Variants in CSMD1 observed in about 807,000 individuals in gnomAD.
CSMD1 encodes CUB and Sushi multiple domains 1.
CSMD1 carries 213 observed loss-of-function variants against 417.5 expected under a neutral mutation model. That is an observed-to-expected ratio of 0.51 (90% CI 0.46 to 0.57). CSMD1 has a LOEUF of 0.57. Ranked by LOEUF, CSMD1 falls within the 20% of genes least tolerant of loss-of-function variation. The pLI, the probability that CSMD1 is intolerant of heterozygous loss-of-function variation, is 0.00. For missense variants in CSMD1, 6,923 were observed against 4,529.7 expected, an observed-to-expected ratio of 1.53 and a Z score of -15.17; for synonymous variants, 2,862 against 1,736.8, an observed-to-expected ratio of 1.65 and a Z score of -16.11.
chr8:4,265,075 T>C (rs4617179), intron 3 of CSMD1, among the ~76,000 whole-genome samples: 49,836 of 152,068 alleles, frequency 0.33, 8,403 homozygotes, highest in East Asian at 0.4. Context: ...CTGCTCCTTA[T>C]ATAGAATCAT....
In CSMD1 at chr8:3,460,788, G is replaced by A. The variant is rs985290660; in HGVS notation, c.1561+7924C>T. On this transcript the variant is annotated intron_variant, in intron 12 of 69. Transcript: ENST00000635120. Reference sequence around the variant, plus strand: ...AGAATATAGGGAGATTATTTTCCCCGGCTGCTAGACAATGATGCCGCACTC... The same window carrying A: ...AGAATATAGGGAGATTATTTTCCCCAGCTGCTAGACAATGATGCCGCACTC... 2.6e-5 allele frequency among the ~76,000 whole-genome samples: 4 copies of A among 152,082 alleles called. No individual in the cohort carries two copies. The East Asian group carries it at 5.8e-4, about 22-fold the overall frequency.
At chr8:3,442,927 G>A (rs992274942) in intron 12 of CSMD1, among the ~76,000 whole-genome samples, 6 of 152,094 alleles carry the variant, frequency 3.9e-5, no homozygotes, top group African/African-American at 1.2e-4. Context: ...TTCTGAGTAT[G>A]TGTAGAATTG....
At chr8:4,640,136 G>A (rs894493516) in intron 1 of CSMD1, among the ~76,000 whole-genome samples, 1 of 152,188 alleles carries the variant, frequency 6.6e-6, no homozygotes, top group African/African-American at 2.4e-5. Flanking sequence ...ATTTCCTCAA[G>A]GAATAACATT....
intron 23 of CSMD1, among the ~76,000 whole-genome samples, chr8:3,312,064 A>C (rs909631218): frequency 1.3e-5 from 2 of 152,172 alleles, no homozygotes; most frequent in Non-Finnish European, 2.9e-5. Flanking sequence ...CTTGCATTAA[A>C]GCTTTGTTTT....
At chr8:3,467,184 G>A (rs945953286) in intron 12 of CSMD1, among the ~76,000 whole-genome samples, 4 of 152,090 alleles carry the variant, frequency 2.6e-5, no homozygotes, top group Non-Finnish European at 5.9e-5. Flanking sequence ...ACCTTTTATT[G>A]GGACTACTTA....
At chr8:3,795,032 T>A (rs1202357345) in intron 5 of CSMD1, among the ~76,000 whole-genome samples, 1 of 151,462 alleles carries the variant, frequency 6.6e-6, no homozygotes, top group African/African-American at 2.4e-5. Flanking sequence ...TATATAGCTA[T>A]AGATACATAT....
rs1266438208 is a variant in CSMD1, at chr8:2,936,474, T to G, written c.*2111A>C. The G allele has an allele frequency of 1.3e-5, 2 of 152,028 alleles. No homozygotes were observed. The highest frequency in any genetic ancestry group is 3.9e-4 in the East Asian group (2 of 5,178). The allele number at this position is 152,028 out of a possible 1,614,324, so 9.4% of individuals were successfully genotyped here. ...CTCACACTTTCAATCATCTTCTGTT[T>G]CGTTCAATGTGTGTGTTAGGAGCAC... On this transcript the variant is annotated 3_prime_UTR_variant, in exon 70 of 70. Transcript: ENST00000635120.
At chr8:3,474,425 C>T (rs185025752) in intron 11 of CSMD1, among the ~76,000 whole-genome samples, 8 of 152,026 alleles carry the variant, frequency 5.3e-5, no homozygotes, top group African/African-American at 1.2e-4. Context: ...TTTATTTATC[C>T]CTTGATGTAA....
In CSMD1 at chr8:3,343,407, A is replaced by C; in HGVS notation, c.3518T>G (p.Phe1173Cys). 6.2e-7 allele frequency: 1 copy of C among 1,613,814 alleles called. No homozygotes were observed. The highest frequency in any genetic ancestry group is 8.5e-7 in the Non-Finnish European group (1 of 1,179,774). The change falls in exon 23 of 70, where the codon TTC (phenylalanine) becomes TGC (cysteine). Residue 1173 changes from phenylalanine (F) to cysteine (C), a missense_variant. Transcript: ENST00000635120. The part of the protein sequence containing the change: ...KDSSSRPLGT[F>C]TKNELLGLIL... The stretch of plus-strand genomic sequence containing the variant: ...CAGCCCCAGAAGTTCATTTTTAGTG[A>C]ACGTGCCCAGTGGACGTGAGGAACT...
intron 2 of CSMD1, among the ~76,000 whole-genome samples, chr8:4,535,319 G>A (rs1329560906): frequency 6.6e-6 from 1 of 152,118 alleles, no homozygotes; most frequent in Non-Finnish European, 1.5e-5. Flanking sequence ...AAAATAATAT[G>A]TAGTTATAGA....
At chr8:3,724,228 A>G (rs1186343391) in intron 6 of CSMD1, among the ~76,000 whole-genome samples, 1 of 151,552 alleles carries the variant, frequency 6.6e-6, no homozygotes, top group Non-Finnish European at 1.5e-5. Context: ...TTTAAGTTTT[A>G]GGGTACATGT....
chr8:3,952,414 T>G (rs917604014), intron 5 of CSMD1, among the ~76,000 whole-genome samples: 3 of 152,224 alleles, frequency 2.0e-5, no homozygotes, highest in African/African-American at 7.2e-5. Flanking sequence ...AATATGTATG[T>G]TGATATGTAA....
intron 26 of CSMD1, chr8:3,278,939 T>C (rs1422214499): frequency 6.6e-6 from 1 of 152,160 alleles, no homozygotes; most frequent in East Asian, 1.9e-4. Context: ...AGTTTCTTAA[T>C]TACGACTGAG....
At position 4,644,883 on chromosome 8, in the gene CSMD1, T is replaced by C. The variant is rs74960806; in HGVS notation, c.86-7325A>G. On this transcript the variant is annotated intron_variant, in intron 1 of 69. Transcript: ENST00000635120. Reference sequence around the variant, plus strand: ...ATAGTGCCTGCTAGTTGACATTCAATTGTTGAAGCCTGTGGGTGAGTTTGA... The same window carrying C: ...ATAGTGCCTGCTAGTTGACATTCAACTGTTGAAGCCTGTGGGTGAGTTTGA... Among the ~76,000 whole-genome samples the C allele has an allele frequency of 1.4e-4, 21 of 152,318 alleles. No individual in the cohort carries two copies. The East Asian group carries it at 3.9e-3, about 28-fold the overall frequency.
At chr8:4,921,046 A>C (rs967127018) in intron 1 of CSMD1, among the ~76,000 whole-genome samples, 2 of 150,656 alleles carry the variant, frequency 1.3e-5, no homozygotes, top group African/African-American at 4.9e-5. Context: ...GGAAGGAAGA[A>C]AGAAAAGAGA....
chr8:3,688,051 G>A (rs59214315), intron 7 of CSMD1, among the ~76,000 whole-genome samples: 37 of 152,260 alleles, frequency 2.4e-4, no homozygotes, highest in African/African-American at 8.2e-4. Flanking sequence ...TTTGCTCACT[G>A]CATCTGCTTT....
intron 3 of CSMD1, among the ~76,000 whole-genome samples, chr8:4,172,249 C>G (rs914973093): frequency 2.0e-5 from 3 of 152,114 alleles, no homozygotes; most frequent in Admixed American, 6.5e-5. Context: ...CTGCACTGAA[C>G]AAATGAATGT....
chr8:4,020,853 C>A (rs958057675), intron 4 of CSMD1, among the ~76,000 whole-genome samples: 3 of 152,178 alleles, frequency 2.0e-5, no homozygotes, highest in Non-Finnish European at 2.9e-5. Flanking sequence ...TTTGCCTAAA[C>A]TAATTTTAAA....
At chr8:4,361,348 T>C (rs767994694) in intron 3 of CSMD1, among the ~76,000 whole-genome samples, 2 of 151,844 alleles carry the variant, frequency 1.3e-5, no homozygotes, top group Non-Finnish European at 2.9e-5. Flanking sequence ...ATATCTGCAG[T>C]CATCTGTGAT....
Sources: allele counts gnomAD v4.1 joint callset (sites outside exome capture counted in the v4.1 genomes callset), GRCh38; gene constraint gnomAD v4.1.1; transcripts MANE v1.5; gene names NCBI Gene and HGNC (gene_info 2026-07-23, HGNC 2026-07-21).